OPCML: variants seen among roughly 807,000 people sequenced by gnomAD.
OPCML encodes the protein opioid-binding protein/cell adhesion molecule.
A neutral mutation model predicts 37.8 loss-of-function variants in OPCML; 13 were observed. That is an observed-to-expected ratio of 0.34 (90% CI 0.22 to 0.55). The LOEUF (loss-of-function observed/expected upper bound fraction) is 0.55, where lower values mean the gene tolerates loss of function less well. Ranked by LOEUF, OPCML falls within the 20% of genes least tolerant of loss-of-function variation. The pLI is 0.91. For missense variants in OPCML, 341 were observed against 435.6 expected (o/e 0.78, Z 1.93); for synonymous variants, 176 against 168.8 (o/e 1.04, Z -0.33).
intron 1 of OPCML, among the ~76,000 whole-genome samples, chr11:133,445,080 G>A (rs1421428510): frequency 7.9e-6 from 1 of 126,852 alleles, no homozygotes; most frequent in Non-Finnish European, 1.6e-5. Context: ...ATCACCAAGA[G>A]ACCACAGACC....
At chr11:133,153,060 G>A (rs549437330) in intron 1 of OPCML, among the ~76,000 whole-genome samples, 23 of 152,128 alleles carry the variant, frequency 1.5e-4, no homozygotes, top group Non-Finnish European at 2.9e-4. Flanking sequence ...CCTGGAAGGG[G>A]CACCGCGAGG....
chr11:132,548,565 C>G (rs560168626), intron 3 of OPCML, among the ~76,000 whole-genome samples: 3 of 152,272 alleles, frequency 2.0e-5, no homozygotes, highest in Admixed American at 6.5e-5. Context: ...TATAAAATAA[C>G]AATATTAGCA....
intron 1 of OPCML, among the ~76,000 whole-genome samples, chr11:133,522,735 T>C (rs1024785052): frequency 6.6e-6 from 1 of 152,214 alleles, no homozygotes; most frequent in African/African-American, 2.4e-5. Context: ...AGTCACTATC[T>C]GACTATGTGA....
chr11:132,479,958 G>A (rs1236390018), intron 4 of OPCML, among the ~76,000 whole-genome samples: 3 of 152,168 alleles, frequency 2.0e-5, no homozygotes, highest in African/African-American at 7.2e-5. Context: ...AAAAAGCAGA[G>A]CGCCTCTCCT....
chr11:132,931,835 T>A (rs1565348717), intron 2 of OPCML, among the ~76,000 whole-genome samples: 1 of 152,180 alleles, frequency 6.6e-6, no homozygotes, highest in Non-Finnish European at 1.5e-5. Flanking sequence ...ACACCTAGGT[T>A]CATAGCAGCA....
chr11:133,332,379 A>G (rs201650709), intron 1 of OPCML, among the ~76,000 whole-genome samples: 1 of 152,292 alleles, frequency 6.6e-6, no homozygotes, highest in East Asian at 1.9e-4. Flanking sequence ...GAACAGAGAT[A>G]GTTTGAGTTT....
At chr11:133,016,751 T>C (rs1947342598) in intron 1 of OPCML, among the ~76,000 whole-genome samples, 1 of 152,168 alleles carries the variant, frequency 6.6e-6, no homozygotes, top group Non-Finnish European at 1.5e-5. Flanking sequence ...CCACAGCTTA[T>C]TTCAGTACTT....
At chr11:133,032,571 C>T (rs1947694915) in intron 1 of OPCML, among the ~76,000 whole-genome samples, 1 of 152,206 alleles carries the variant, frequency 6.6e-6, no homozygotes, top group East Asian at 1.9e-4. Context: ...CTAGAACTCA[C>T]AGCAGTAAAT....
intron 2 of OPCML, among the ~76,000 whole-genome samples, chr11:132,806,432 T>A (rs61906874): frequency 0.22 from 33,867 of 151,992 alleles, 4,768 homozygotes; most frequent in Non-Finnish European, 0.33. Context: ...ACATGCAAGC[T>A]GCAAGCATAA....
intron 4 of OPCML, among the ~76,000 whole-genome samples, chr11:132,469,016 C>T (rs2096127667): frequency 6.6e-6 from 1 of 152,172 alleles, no homozygotes; most frequent in African/African-American, 2.4e-5. Context: ...ACTACCCAAA[C>T]CAGTTAGTAA....
chr11:132,523,013 T>C (rs1481083436), intron 4 of OPCML, among the ~76,000 whole-genome samples: 1 of 152,208 alleles, frequency 6.6e-6, no homozygotes, highest in Non-Finnish European at 1.5e-5. Flanking sequence ...CTCGGCTCAC[T>C]GCAACCTCCG....
chr11:132,768,363 G>A (rs1281784239), intron 2 of OPCML, among the ~76,000 whole-genome samples: 2 of 152,112 alleles, frequency 1.3e-5, no homozygotes, highest in African/African-American at 4.8e-5. Flanking sequence ...CTGATATGCA[G>A]TAGGACATGG....
At chr11:132,784,803 A>G (rs944547561) in intron 2 of OPCML, among the ~76,000 whole-genome samples, 1 of 152,064 alleles carries the variant, frequency 6.6e-6, no homozygotes, top group African/African-American at 2.4e-5. Context: ...TTGCCATGTA[A>G]TATACCTGCT....
chr11:133,147,059 G>T (rs536062943), intron 1 of OPCML, among the ~76,000 whole-genome samples: 2 of 152,312 alleles, frequency 1.3e-5, no homozygotes, highest in Non-Finnish European at 1.5e-5. Flanking sequence ...AATATTAAAA[G>T]AACAGAACTC....
intron 1 of OPCML, among the ~76,000 whole-genome samples, chr11:133,015,955 C>T (rs1318417689): frequency 6.6e-6 from 1 of 152,176 alleles, no homozygotes; most frequent in Non-Finnish European, 1.5e-5. Flanking sequence ...GCATACCAAG[C>T]AAGAATGAAC....
chr11:133,171,512 A>G (rs1313851866), intron 1 of OPCML, among the ~76,000 whole-genome samples: 2 of 152,134 alleles, frequency 1.3e-5, no homozygotes, highest in African/African-American at 2.4e-5. Context: ...CTCATGTTTC[A>G]TTTTTCCAGT....
intron 2 of OPCML, among the ~76,000 whole-genome samples, chr11:132,791,724 C>T (rs1461611884): frequency 6.6e-6 from 1 of 152,188 alleles, no homozygotes; most frequent in Non-Finnish European, 1.5e-5. Context: ...CCCCCCAAAA[C>T]CTGTGCAGGA....
rs138870502 is a variant in OPCML, at chr11:133,325,251, G to A, written c.61+207013C>T. Among the ~76,000 whole-genome samples the A allele has an allele frequency of 8.8e-3, 1,344 of 152,260 alleles. 25 individuals are homozygous for A. Among genetic ancestry groups the A allele is most frequent in the African/African-American group, 0.03 (1,242 of 41,546 alleles). On this transcript the variant is annotated intron_variant, in intron 1 of 7. Coordinates refer to ENST00000524381, the MANE Select transcript of OPCML (RefSeq NM_001012393.5). ...AGCGAATGCGAGAAGTTCTGATTTG[G>A]CATAAATATGTATCAAAGCATTCTT... is the stretch of plus-strand genomic sequence containing the variant.
chr11:132,987,873 G>A (rs946220823), intron 1 of OPCML, among the ~76,000 whole-genome samples: 4 of 152,210 alleles, frequency 2.6e-5, no homozygotes, highest in African/African-American at 9.6e-5. Flanking sequence ...AGTCCACTCA[G>A]AGGGTTATCA....
Sources: gnomAD v4.1 joint callset for allele counts (sites outside exome capture counted in the v4.1 genomes callset) on GRCh38, gnomAD v4.1.1 for gene constraint, MANE v1.5 for transcripts, NCBI Gene and HGNC (gene_info 2026-07-23, HGNC 2026-07-21) for gene names.